Variants in CADPS observed in about 807,000 individuals in gnomAD.
The protein encoded by CADPS is calcium-dependent secretion activator 1.
CADPS carries 57 observed loss-of-function variants against 167.3 expected under a neutral mutation model. The observed-to-expected ratio is 0.34, with a 90% CI of 0.28 to 0.42. The LOEUF is 0.42. Ranked by LOEUF, CADPS falls within the 20% of genes least tolerant of loss-of-function variation. The pLI, the probability that CADPS is intolerant of heterozygous loss-of-function variation, is 1.00. For missense variants in CADPS, 1,414 were observed against 1,738.1 expected, an observed-to-expected ratio of 0.81 and a Z score of 3.32; for synonymous variants, 676 against 635.3, an observed-to-expected ratio of 1.06 and a Z score of -0.96.
intron 16 of CADPS, 92 bp downstream of exon 16, chr3:62,515,967 T>G (rs2068873618): frequency 2.7e-6 from 4 of 1,496,464 alleles, no homozygotes; most frequent in Non-Finnish European, 3.7e-6. Flanking sequence ...GACGGACCAC[T>G]GTTTTCAGGT....
rs567549451 is a variant in CADPS at position 62,700,824 on chromosome 3, A to C, written c.889-38430T>G. Among the ~76,000 whole-genome samples the C allele has an allele frequency of 3.8e-4, 57 of 150,630 alleles. 1 individual carries two copies. The South Asian group carries it at 0.012, about 31-fold the overall frequency. ...AAGCAGCATGGGAACTGTCTCAGTC[A>C]GTTTGGGCTGCTATCACAAAATACC... On this transcript the variant is annotated intron_variant, in intron 3 of 29. Coordinates refer to ENST00000383710, the MANE Select transcript of CADPS (RefSeq NM_003716.4).
At chr3:62,806,335 C>A (rs1242011668) in intron 1 of CADPS, among the ~76,000 whole-genome samples, 11 of 145,392 alleles carry the variant, frequency 7.6e-5, no homozygotes, top group African/African-American at 2.6e-4. Context: ...TCAGCCTGGG[C>A]AACATAGCAA....
chr3:62,575,874 G>A lies in CADPS; in HGVS notation c.1578-4936C>T, dbSNP rs185413017. On this transcript the variant is annotated intron_variant, in intron 8 of 29. Transcript: ENST00000383710. ...TTTCCTTTGGAAAGTCTGCTTGAGG[G>A]AGGGGCTTTCCCTCTGAGGTTTTCC... 9.2e-4 allele frequency among the ~76,000 whole-genome samples: 140 copies of A among 152,298 alleles called. 1 individual carries two copies. Among genetic ancestry groups the A allele is most frequent in the African/African-American group, 3.2e-3 (131 of 41,572 alleles).
intron 21 of CADPS, among the ~76,000 whole-genome samples, chr3:62,486,535 G>C (rs2062850575): frequency 6.6e-6 from 1 of 151,850 alleles, no homozygotes; most frequent in Admixed American, 6.6e-5. Flanking sequence ...ATCTGAGGCA[G>C]AGTGAGAAAG....
intron 3 of CADPS, among the ~76,000 whole-genome samples, chr3:62,677,844 T>G (rs978879): frequency 2.0e-5 from 3 of 151,976 alleles, no homozygotes; most frequent in Non-Finnish European, 4.4e-5. Flanking sequence ...TTTTGACAGT[T>G]CATATGTGGT....
At chr3:62,857,455 G>C (rs1996092) in intron 1 of CADPS, among the ~76,000 whole-genome samples, 3 of 151,908 alleles carry the variant, frequency 2.0e-5, no homozygotes, top group Non-Finnish European at 4.4e-5. Context: ...AGAATGTATA[G>C]AGTAGTAAAA....
intron 1 of CADPS, among the ~76,000 whole-genome samples, chr3:62,782,294 G>T (rs79664718): frequency 0.018 from 2,775 of 152,206 alleles, 34 homozygotes; most frequent in East Asian, 0.054. Context: ...CATCCATCCA[G>T]CCAGCCAGCC....
intron 7 of CADPS, 112 bp downstream of exon 7, chr3:62,592,525 A>G (rs2086285240): frequency 1.3e-6 from 1 of 778,458 alleles, no homozygotes; most frequent in African/African-American, 1.7e-5. Context: ...CTTAATGTTC[A>G]AAACTGAGCC....
chr3:62,643,810 T>A, intron 6 of CADPS, among the ~76,000 whole-genome samples: 1 of 152,190 alleles, frequency 6.6e-6, no homozygotes, highest in Non-Finnish European at 1.5e-5. Flanking sequence ...AGGTTGTTCT[T>A]CCCCCATGTA....
At chr3:62,413,667 G>A (rs1048654572) in intron 28 of CADPS, among the ~76,000 whole-genome samples, 10 of 152,096 alleles carry the variant, frequency 6.6e-5, no homozygotes, top group Non-Finnish European at 1.0e-4. Context: ...ATGAAACGAC[G>A]TCTACAGATC....
chr3:62,674,505 T>A (rs747051804), intron 3 of CADPS, among the ~76,000 whole-genome samples: 1 of 152,168 alleles, frequency 6.6e-6, no homozygotes, highest in South Asian at 2.1e-4. Flanking sequence ...AGTTTCATCT[T>A]GATTAAGACC....
rs753456107 is a variant in CADPS, at chr3:62,474,255, T to C, written c.3395A>G (p.Gln1132Arg). 6.2e-7 allele frequency: 1 copy of C among 1,609,962 alleles called. No individual in the cohort carries two copies. Among genetic ancestry groups the C allele is most frequent in the Non-Finnish European group, 8.5e-7 (1 of 1,178,834 alleles). The change falls in exon 24 of 30, where the codon CAG (glutamine) becomes CGG (arginine). Residue 1132 changes from glutamine (Q) to arginine (R), a missense_variant. By Grantham distance (43) the Gln-to-Arg change is conservative. This residue lies in a region of CADPS where 19 missense variants were observed against 49.4 expected (regional missense o/e 0.38). Transcript: ENST00000383710. ...TSRSTDFRVP[Q>R]SICTMFNVMV... ...AACATTAAACATGGTGCATATTGAC[T>C]GTGGGACTCGAAAATCTGTTGATCG...
intron 13 of CADPS, among the ~76,000 whole-genome samples, chr3:62,526,969 C>A (rs1478619931): frequency 2.0e-5 from 3 of 152,156 alleles, no homozygotes; most frequent in Non-Finnish European, 4.4e-5. Flanking sequence ...TATGTATGAT[C>A]TAAAGACCAA....
At chr3:62,435,804 T>C (rs1317856926) in intron 28 of CADPS, among the ~76,000 whole-genome samples, 1 of 152,118 alleles carries the variant, frequency 6.6e-6, no homozygotes, top group East Asian at 1.9e-4. Context: ...TCAGACTAAA[T>C]TGTGGGGGTT....
chr3:62,517,471 A>C (rs1197139173), intron 14 of CADPS, among the ~76,000 whole-genome samples: 1 of 152,174 alleles, frequency 6.6e-6, no homozygotes, highest in East Asian at 1.9e-4. Flanking sequence ...ACGAGTTAAT[A>C]CTTCTCCAGC....
intron 13 of CADPS, among the ~76,000 whole-genome samples, chr3:62,531,409 A>T (rs955207957): frequency 6.6e-6 from 1 of 152,146 alleles, no homozygotes; most frequent in African/African-American, 2.4e-5. Context: ...TAACAATGGG[A>T]GGTGATGATA....
chr3:62,557,581 T>A, intron 9 of CADPS, 68 bp from the exon 10 acceptor site: 1 of 1,191,884 alleles, frequency 8.4e-7, no homozygotes, highest in Non-Finnish European at 1.3e-6. Context: ...CCCTCCCCCA[T>A]GTTCTCTCCT....
chr3:62,424,054 CA>C lies in CADPS; in HGVS notation c.3777+14049del, dbSNP rs545639426. Among the ~76,000 whole-genome samples the C allele has an allele frequency of 2.5e-3, 388 of 152,228 alleles. 1 individual carries two copies. Among genetic ancestry groups the C allele is most frequent in the African/African-American group, 8.8e-3 (367 of 41,548 alleles). On this transcript the variant is annotated intron_variant, in intron 28 of 29. Transcript: ENST00000383710. ...TAAAAGCCCTCTTTGGGATTTGTAT[CA>C]AAAGAGCAGCTTTCAGAATGTGCTT...
At chr3:62,717,157 G>A (rs139895105) in intron 3 of CADPS, among the ~76,000 whole-genome samples, 6 of 152,210 alleles carry the variant, frequency 3.9e-5, no homozygotes, top group African/African-American at 1.4e-4. Context: ...TTGAAGACTA[G>A]ACAGATAAAA....
Sources: allele counts gnomAD v4.1 joint callset (sites outside exome capture counted in the v4.1 genomes callset), GRCh38; gene constraint gnomAD v4.1.1; regional missense constraint gnomAD v4.1.1; transcripts MANE v1.5; gene names NCBI Gene and HGNC (gene_info 2026-07-23, HGNC 2026-07-21).